Variants in PCDH7 observed in about 807,000 individuals in gnomAD.
PCDH7 encodes the protein protocadherin-7.
In PCDH7, 17 loss-of-function variants were observed where a neutral mutation model predicts 58.9. That is an observed-to-expected ratio of 0.29 (90% confidence interval 0.20 to 0.43). The LOEUF (loss-of-function observed/expected upper bound fraction) is 0.43, where lower values mean the gene tolerates loss of function less well. Among genes scored for constraint, PCDH7 ranks in the 20% least tolerant of loss-of-function variants. The probability of loss-of-function intolerance (pLI) is 1.00; values close to 1 mark genes in which losing one functional copy is unlikely to be tolerated. For synonymous variants in PCDH7, 664 were observed against 616.4 expected, an observed-to-expected ratio of 1.08 and a Z score of -1.14; for missense variants, 1,274 against 1,441.0, an observed-to-expected ratio of 0.88 and a Z score of 1.88.
chr4:31,054,922 A>G lies in PCDH7; in HGVS notation c.*8-87551A>G, dbSNP rs560412251. On this transcript the variant is annotated intron_variant, in intron 3 of 3. Transcript: ENST00000509759. ...AGTTTATGAAATCTATCAACCTGCC[A>G]TAATTTTAGTTTCATCCCATTTCAT... is the stretch of plus-strand genomic sequence containing the variant. Among the ~76,000 whole-genome samples the G allele has an allele frequency of 2.6e-5, 4 of 152,322 alleles. No homozygotes were observed. The South Asian group carries it at 8.3e-4, about 32-fold the overall frequency.
chr4:30,993,088 C>T (rs868145673), intron 3 of PCDH7, among the ~76,000 whole-genome samples: 3 of 152,064 alleles, frequency 2.0e-5, no homozygotes, highest in South Asian at 2.1e-4. Flanking sequence ...TGTGAGCCAC[C>T]GTGCCCGGCC....
intron 1 of PCDH7, among the ~76,000 whole-genome samples, chr4:30,778,417 G>C (rs915129652): frequency 6.6e-6 from 1 of 152,016 alleles, no homozygotes; most frequent in South Asian, 2.1e-4. Context: ...TTCATACAAT[G>C]TGCATGTTAA....
chr4:31,114,637 AC>A (rs1474147428), intron 3 of PCDH7, among the ~76,000 whole-genome samples: 1 of 140,336 alleles, frequency 7.1e-6, no homozygotes, highest in Non-Finnish European at 1.5e-5. Flanking sequence ...ATACAAACAC[AC>A]ACACACACAC....
At chr4:30,839,132 C>T (rs370928294) in intron 1 of PCDH7, among the ~76,000 whole-genome samples, 1 of 151,502 alleles carries the variant, frequency 6.6e-6, no homozygotes, top group South Asian at 2.1e-4. Context: ...ATATAATAAT[C>T]ACAATTGCTA....
chr4:31,035,187 T>TGC (rs1755289828), intron 3 of PCDH7, among the ~76,000 whole-genome samples: 1 of 152,072 alleles, frequency 6.6e-6, no homozygotes, highest in African/African-American at 2.4e-5. Context: ...CCTTAGCTTA[T>TGC]GCGGTAGCAT....
intron 1 of PCDH7, among the ~76,000 whole-genome samples, chr4:30,913,400 T>A (rs1490668821): frequency 6.6e-6 from 1 of 152,172 alleles, no homozygotes; most frequent in Non-Finnish European, 1.5e-5. Context: ...GATTTAAAAA[T>A]ATGGACTTTT....
chr4:31,114,627 AT>A (rs1716756534), intron 3 of PCDH7, among the ~76,000 whole-genome samples: 2 of 119,998 alleles, frequency 1.7e-5, no homozygotes, highest in African/African-American at 3.3e-5. Context: ...ACACTCACAC[AT>A]ACAAACACAC....
At chr4:30,822,660 T>A (rs1734892989) in intron 1 of PCDH7, among the ~76,000 whole-genome samples, 1 of 152,144 alleles carries the variant, frequency 6.6e-6, no homozygotes, top group South Asian at 2.1e-4. Context: ...ACTGGGCTTT[T>A]AAACACTGGT....
At chr4:30,972,239 A>G (rs1177809705) in intron 3 of PCDH7, among the ~76,000 whole-genome samples, 1 of 152,190 alleles carries the variant, frequency 6.6e-6, no homozygotes, top group Non-Finnish European at 1.5e-5. Flanking sequence ...TTCATTTGCC[A>G]TTGCTAAAAT....
chr4:30,740,604 T>G (rs1170512322), intron 1 of PCDH7, among the ~76,000 whole-genome samples: 2 of 152,216 alleles, frequency 1.3e-5, no homozygotes, highest in South Asian at 2.1e-4. Flanking sequence ...TCATAGAGAA[T>G]AACATTTTGA....
chr4:31,088,721 T>C (rs1430438687), intron 3 of PCDH7, among the ~76,000 whole-genome samples: 1 of 152,028 alleles, frequency 6.6e-6, no homozygotes, highest in Admixed American at 6.6e-5. Flanking sequence ...TTTTTAAAAA[T>C]GTCAAACAAG....
At chr4:30,824,023 G>A (rs773365695) in intron 1 of PCDH7, among the ~76,000 whole-genome samples, 12 of 152,128 alleles carry the variant, frequency 7.9e-5, no homozygotes, top group Non-Finnish European at 1.6e-4. Context: ...CATAGCAAAG[G>A]CAGAGCCACT....
At chr4:31,146,390 AG>A (rs1300633175), downstream of PCDH7, 1 of 151,928 alleles carries the variant, frequency 6.6e-6, no homozygotes, top group Non-Finnish European at 1.5e-5. Context: ...AATAATAAAA[AG>A]TGAGCATGAT....
At chr4:31,129,173 G>A (rs1035708624) in intron 3 of PCDH7, among the ~76,000 whole-genome samples, 3 of 152,116 alleles carry the variant, frequency 2.0e-5, no homozygotes, top group African/African-American at 4.8e-5. Flanking sequence ...CCTGCCCATA[G>A]AGAGTGATAT....
At chr4:30,787,092 C>T (rs1269003185) in intron 1 of PCDH7, among the ~76,000 whole-genome samples, 1 of 151,984 alleles carries the variant, frequency 6.6e-6, no homozygotes, top group Non-Finnish European at 1.5e-5. Flanking sequence ...TCAGATATCG[C>T]CATACTCAGG....
intron 1 of PCDH7, among the ~76,000 whole-genome samples, chr4:30,767,882 C>A (rs1720948530): frequency 6.6e-6 from 1 of 152,134 alleles, no homozygotes; most frequent in African/African-American, 2.4e-5. Flanking sequence ...AAAATTCAAG[C>A]CCTGTTCCAT....
chr4:31,142,555 G>A, exon 4 of PCDH7: 1 of 1,367,736 alleles, frequency 7.3e-7, no homozygotes, highest in Non-Finnish European at 9.8e-7. Context: ...ACTCCTGCTG[G>A]ATGCCGGTCC....
chr4:30,733,796 C>G (rs1384836447), downstream of PCDH7, among the ~76,000 whole-genome samples: 1 of 152,102 alleles, frequency 6.6e-6, no homozygotes, highest in Non-Finnish European at 1.5e-5. Flanking sequence ...AATATTCAGT[C>G]ATAATTCAAG....
chr4:31,134,717 G>T (rs1235892013), intron 3 of PCDH7, among the ~76,000 whole-genome samples: 2 of 152,072 alleles, frequency 1.3e-5, no homozygotes, highest in Non-Finnish European at 2.9e-5. Flanking sequence ...TGTTCTGCCT[G>T]GCTCACTCAT....
Sources: allele counts gnomAD v4.1 joint callset (sites outside exome capture counted in the v4.1 genomes callset), GRCh38; gene constraint gnomAD v4.1.1; transcripts MANE v1.5; gene names NCBI Gene and HGNC (gene_info 2026-07-23, HGNC 2026-07-21).